The following SNRPN variants were observed in gnomAD, a reference collection of about 807,000 sequenced individuals.
SNRPN encodes the protein small nuclear ribonucleoprotein-associated protein N.
In SNRPN, 7 loss-of-function variants were observed where a neutral mutation model predicts 25.2. That is an observed-to-expected ratio of 0.28 (90% confidence interval 0.16 to 0.52). The LOEUF (loss-of-function observed/expected upper bound fraction) is 0.52. Ranked by LOEUF, SNRPN falls within the 20% of genes least tolerant of loss-of-function variation. The pLI is 0.96. For missense variants in SNRPN, 196 were observed against 322.5 expected, an observed-to-expected ratio of 0.61 and a Z score of 3.00; for synonymous variants, 124 against 110.6, an observed-to-expected ratio of 1.12 and a Z score of -0.76.
rs1247404965 is a variant in SNRPN at position 24,970,708 on chromosome 15, T to G, written c.-144+2626T>G. 2.6e-5 allele frequency among the ~76,000 whole-genome samples: 4 copies of G among 152,148 alleles called. No homozygotes were observed. In the East Asian group the frequency reaches 7.7e-4, roughly 29 times the overall value. The stretch of plus-strand genomic sequence containing the variant: ...GTAATATTAGTATGACTTTTAAACG[T>G]TTTTGTTACATTGTTTTCTAAACAC... On this transcript the variant is annotated intron_variant, in intron 3 of 9. Coordinates refer to ENST00000390687, the MANE Select transcript of SNRPN (RefSeq NM_003097.6).
intron 2 of SNRPN, among the ~76,000 whole-genome samples, chr15:24,896,078 C>T (rs2151056779): frequency 6.6e-6 from 1 of 152,312 alleles, no homozygotes; most frequent in Middle Eastern, 3.4e-3. Flanking sequence ...GCACAGAACA[C>T]ATTAGTTCTT....
chr15:24,870,224 G>T (rs2054960961), intron 1 of SNRPN, among the ~76,000 whole-genome samples: 1 of 152,078 alleles, frequency 6.6e-6, no homozygotes, highest in African/African-American at 2.4e-5. Context: ...AAGGGTCCTA[G>T]TTTCTTTTAT....
chr15:24,918,454 A>AC (rs2059702369), intron 2 of SNRPN, among the ~76,000 whole-genome samples: 2 of 131,268 alleles, frequency 1.5e-5, no homozygotes, highest in African/African-American at 5.6e-5. Flanking sequence ...GTATATATAT[A>AC]ACATAATATA....
At chr15:24,932,229 C>G (rs1200772117) in intron 3 of SNRPN, among the ~76,000 whole-genome samples, 1 of 152,090 alleles carries the variant, frequency 6.6e-6, no homozygotes, top group Non-Finnish European at 1.5e-5. Context: ...AGGGTTAAGA[C>G]TGACTTTGTT....
chr15:24,901,138 A>G (rs935807207), intron 2 of SNRPN, among the ~76,000 whole-genome samples: 1 of 152,144 alleles, frequency 6.6e-6, no homozygotes, highest in Non-Finnish European at 1.5e-5. Flanking sequence ...TTCTCCTGGT[A>G]GAGATCTTTC....
At chr15:24,851,595 A>T (rs553504424), upstream of SNRPN, 1 of 152,752 alleles carries the variant, frequency 6.5e-6, no homozygotes, top group East Asian at 1.9e-4. Context: ...TGTGAAGGGG[A>T]GAGTGGGCAG....
chr15:24,888,090 A>G (rs2057349627), intron 2 of SNRPN, among the ~76,000 whole-genome samples: 1 of 151,794 alleles, frequency 6.6e-6, no homozygotes, highest in Non-Finnish European at 1.5e-5. Context: ...GTAATATAAA[A>G]TGACAAATAT....
At chr15:24,888,044 C>G (rs555037464) in intron 2 of SNRPN, among the ~76,000 whole-genome samples, 8 of 151,508 alleles carry the variant, frequency 5.3e-5, no homozygotes, top group Admixed American at 2.6e-4. Context: ...CTTAAAATGG[C>G]TAAAAAGGTA....
In SNRPN at chr15:24,845,491, G is replaced by A. The variant is rs572079798; in HGVS notation, c.-579+15586G>A. Among the ~76,000 whole-genome samples the A allele has an allele frequency of 2.2e-3, 338 of 151,688 alleles. 2 individuals are homozygous for A. Among genetic ancestry groups the A allele is most frequent in the Non-Finnish European group, 3.3e-3 (227 of 67,922 alleles). ...CACATGCCTGTAATCCCAGCTACTC[G>A]GGAGTCTGAGGCAGGAGAATCCCTT... is the stretch of plus-strand genomic sequence containing the variant. On this transcript the variant is annotated intron_variant, in intron 2 of 12. Transcript: ENST00000400100.
At chr15:24,945,343 TAAAAAAAAAAA>T (rs11422448) in intron 3 of SNRPN, among the ~76,000 whole-genome samples, 1,020 of 83,746 alleles carry the variant, frequency 0.012, 12 homozygotes, top group South Asian at 0.047. Context: ...ACCCACCATG[TAAAAAAAAAAA>T]AAAAAAAAAA....
At chr15:24,891,317 T>C (rs1055449952) in intron 2 of SNRPN, among the ~76,000 whole-genome samples, 2 of 152,228 alleles carry the variant, frequency 1.3e-5, no homozygotes, top group African/African-American at 4.8e-5. Flanking sequence ...GGTTAATTTC[T>C]GTATTTCTAA....
At chr15:24,895,889 T>C (rs1042191304) in intron 2 of SNRPN, among the ~76,000 whole-genome samples, 17 of 152,296 alleles carry the variant, frequency 1.1e-4, no homozygotes, top group African/African-American at 4.1e-4. Context: ...GTCACAGCGA[T>C]GCAAATGGAA....
In SNRPN at chr15:24,910,472, C is replaced by G. The variant is rs559684072; in HGVS notation, c.-504-9539C>G. Among the ~76,000 whole-genome samples the G allele has an allele frequency of 7.2e-5, 11 of 151,780 alleles. 1 individual carries two copies. In the South Asian group the frequency reaches 2.3e-3, roughly 32 times the overall value. ...TCTGGGCAACAGAGTGAGATCCCAT[C>G]TCAAAAAAAAATGCTAATTATTATT... is the stretch of plus-strand genomic sequence containing the variant. On this transcript the variant is annotated intron_variant, in intron 2 of 11. Coordinates refer to the SNRPN transcript ENST00000400097.
chr15:24,869,920 A>T (rs1173224566), intron 1 of SNRPN, among the ~76,000 whole-genome samples: 1 of 152,162 alleles, frequency 6.6e-6, no homozygotes, highest in Non-Finnish European at 1.5e-5. Context: ...CTCCACCATG[A>T]TTTCATACCA....
intron 3 of SNRPN, among the ~76,000 whole-genome samples, chr15:24,948,497 G>A (rs926101681): frequency 1.3e-5 from 2 of 151,972 alleles, no homozygotes; most frequent in South Asian, 2.1e-4. Context: ...AACATGTTAC[G>A]CTTGTTTCAT....
chr15:24,919,449 T>A (rs1336569838), intron 2 of SNRPN, among the ~76,000 whole-genome samples: 2 of 143,362 alleles, frequency 1.4e-5, no homozygotes, highest in Non-Finnish European at 1.5e-5. Context: ...AAAAAAAATA[T>A]TCAATTATGC....
chr15:24,955,135 G>C (rs1477049278), intron 1 of SNRPN, 73 bp downstream of exon 1: 1 of 1,600,734 alleles, frequency 6.2e-7, no homozygotes, highest in African/African-American at 1.3e-5. Flanking sequence ...GATATTCCAA[G>C]TTTTTAGGAC....
At chr15:24,881,368 C>CAAAAA (rs71127009) in intron 1 of SNRPN, among the ~76,000 whole-genome samples, 45 of 146,434 alleles carry the variant, frequency 3.1e-4, no homozygotes, top group Admixed American at 7.5e-4. Flanking sequence ...ACTAAAAATA[C>CAAAAA]AAAAAAAAAA....
chr15:24,864,689 C>A (rs4906925), intron 1 of SNRPN, among the ~76,000 whole-genome samples: 1 of 151,500 alleles, frequency 6.6e-6, no homozygotes, highest in Non-Finnish European at 1.5e-5. Flanking sequence ...AGATACATTT[C>A]CCCCCTATGC....
Sources: allele counts gnomAD v4.1 joint callset (sites outside exome capture counted in the v4.1 genomes callset), GRCh38; gene constraint gnomAD v4.1.1; transcripts MANE v1.5; gene names NCBI Gene and HGNC (gene_info 2026-07-23, HGNC 2026-07-21).